The following PCDHGB3 variants were observed in gnomAD, a reference collection of about 807,000 sequenced individuals.
PCDHGB3 encodes the protein protocadherin gamma-B3.
A neutral mutation model predicts 59.2 loss-of-function variants in PCDHGB3; 40 were observed. The observed-to-expected ratio is 0.68, with a 90% CI of 0.52 to 0.88. The LOEUF is 0.88. Ranked by LOEUF, PCDHGB3 falls within the 40% of genes least tolerant of loss-of-function variation. The pLI is 0.00. For missense variants in PCDHGB3, 1,309 were observed against 1,187.9 expected (o/e 1.10, Z -1.50); for synonymous variants, 581 against 503.6 (o/e 1.15, Z -2.06).
At chr5:141,479,671 G>A (rs1484965995) in intron 1 of PCDHGB3, 1 of 152,196 alleles carries the variant, frequency 6.6e-6, no homozygotes, top group Non-Finnish European at 1.5e-5. Flanking sequence ...AACTACAAAA[G>A]GAGAGTCTTT....
At chr5:141,405,316 T>C (rs752153213) in intron 1 of PCDHGB3, 5 of 1,614,232 alleles carry the variant, frequency 3.1e-6, no homozygotes, top group Non-Finnish European at 4.2e-6. Context: ...GTGAGAAAAA[T>C]GAGCCTTTGT....
chr5:141,419,175 C>T (rs185228661), intron 1 of PCDHGB3: 2 of 1,613,966 alleles, frequency 1.2e-6, no homozygotes, highest in Non-Finnish European at 1.7e-6. Flanking sequence ...AAAACCATAA[C>T]CCTGCACATT....
chr5:141,384,237 C>T, intron 1 of PCDHGB3: 2 of 1,613,888 alleles, frequency 1.2e-6, no homozygotes, highest in East Asian at 2.2e-5. Flanking sequence ...CAGACACCAA[C>T]GATAACCCAC....
chr5:141,382,360 A>C (rs1310834058), intron 1 of PCDHGB3, among the ~76,000 whole-genome samples: 1 of 152,210 alleles, frequency 6.6e-6, no homozygotes, highest in Non-Finnish European at 1.5e-5. Flanking sequence ...ATTTAAATAA[A>C]ATTTACCTTT....
rs1273620361 is a variant in PCDHGB3, at chr5:141,486,809, A to G, written c.2416-7998A>G. 1 of 1,614,106 alleles carries G rather than the reference A, an allele frequency of 6.2e-7. No homozygotes were observed. The highest frequency in any genetic ancestry group is 1.3e-5 in the African/African-American group (1 of 74,936). On this transcript the variant is annotated intron_variant, in intron 1 of 3. Coordinates refer to ENST00000576222, the MANE Select transcript of PCDHGB3 (RefSeq NM_018924.5). This position sits in a 1 kb window ranked among gnomAD's most constrained non-coding sequence, Gnocchi z 5.0. ...CCGGGATCGGGGCAACCCACCCCTT[A>G]GCAGCACTGTAACAGTTCGTCTATT...
intron 1 of PCDHGB3, among the ~76,000 whole-genome samples, chr5:141,382,481 T>C (rs1778238182): frequency 6.6e-6 from 1 of 152,228 alleles, no homozygotes; most frequent in Non-Finnish European, 1.5e-5. Flanking sequence ...TCTAAGATTA[T>C]CAAACACCGG....
chr5:141,455,632 TG>T (rs1394377963), intron 1 of PCDHGB3, among the ~76,000 whole-genome samples: 1 of 151,924 alleles, frequency 6.6e-6, no homozygotes, highest in African/African-American at 2.4e-5. Flanking sequence ...TGGAGATATG[TG>T]GGGGGCAGCC....
At chr5:141,405,370 G>C in intron 1 of PCDHGB3, 1 of 1,606,236 alleles carries the variant, frequency 6.2e-7, no homozygotes, top group Non-Finnish European at 8.5e-7. Flanking sequence ...ACACCCCTTT[G>C]GTTCCGGTGA....
chr5:141,389,647 AG>A, intron 1 of PCDHGB3: 10 of 1,612,908 alleles, frequency 6.2e-6, no homozygotes, highest in Non-Finnish European at 8.5e-6. Flanking sequence ...TTGGTGACCA[AG>A]GTAGTGGCGG....
chr5:141,396,923 G>A (rs6886638), intron 1 of PCDHGB3, among the ~76,000 whole-genome samples: 45,883 of 152,076 alleles, frequency 0.3, 8,183 homozygotes, highest in African/African-American at 0.5. Context: ...TTAAAAACTC[G>A]GATGAAAGTT....
intron 1 of PCDHGB3, among the ~76,000 whole-genome samples, chr5:141,472,913 G>A (rs1049221725): frequency 2.0e-5 from 3 of 147,764 alleles, no homozygotes; most frequent in African/African-American, 2.5e-5. Context: ...TTGAACCCAA[G>A]AGGAGGAGGT....
intron 1 of PCDHGB3, chr5:141,375,721 G>T (rs1194190814): frequency 6.2e-7 from 1 of 1,614,266 alleles, no homozygotes; most frequent in South Asian, 1.1e-5. Context: ...GCAGCAACGT[G>T]TCACTGAGCC....
intron 1 of PCDHGB3, chr5:141,410,046 G>T: frequency 6.2e-7 from 1 of 1,613,174 alleles, no homozygotes; most frequent in Non-Finnish European, 8.5e-7. Context: ...AGTGAGCCCG[G>T]ACTCTTCAGC....
In PCDHGB3 at chr5:141,491,856, C is replaced by A. The variant is rs754113958; in HGVS notation, c.2416-2951C>A. On this transcript the variant is annotated intron_variant, in intron 1 of 3. Coordinates refer to ENST00000576222, the MANE Select transcript of PCDHGB3 (RefSeq NM_018924.5). This position sits in a 1 kb window ranked among gnomAD's most constrained non-coding sequence, Gnocchi z 6.9. ...TCTCGGGATCATTGGACCGTTTGCG[C>A]GAAACCAGAGTGGCCGATTAAGGGA... 6.9e-7 allele frequency: 1 copy of A among 1,458,728 alleles called. No individual in the cohort carries two copies. The highest frequency in any genetic ancestry group is 9.1e-7 in the Non-Finnish European group (1 of 1,103,072). The allele number at this position is 1,458,728 out of a possible 1,614,324, so 90.4% of individuals were successfully genotyped here. A position where few individuals can be genotyped will look rare whatever the true frequency, so the allele number is the denominator to read the frequency against.
intron 1 of PCDHGB3, chr5:141,427,019 CAA>C (rs1369360584): frequency 8.8e-6 from 4 of 456,798 alleles, no homozygotes; most frequent in Admixed American, 2.3e-5. Flanking sequence ...AGGATGTATA[CAA>C]AGTCAGCCTT....
Position 141,376,444 on chromosome 5 carries a change from A to G in PCDHGB3, c.2415+3635A>G, listed in dbSNP as rs755915739. On this transcript the variant is annotated intron_variant, in intron 1 of 3. Coordinates refer to ENST00000576222, the MANE Select transcript of PCDHGB3 (RefSeq NM_018924.5). Reference sequence around the variant, plus strand: ...TTATCAACCAGGAGAGCTATGAGAAAAGCGAGCCTCTTCTGATAACTCAGG... The same window carrying G: ...TTATCAACCAGGAGAGCTATGAGAAGAGCGAGCCTCTTCTGATAACTCAGG... 3.1e-6 allele frequency: 5 copies of G among 1,614,096 alleles called. No homozygotes were observed. The East Asian group carries it at 8.9e-5, about 29-fold the overall frequency.
rs772487189 is a variant in PCDHGB3 at position 141,415,555 on chromosome 5, C to G, written c.2415+42746C>G. 5 of 1,613,954 alleles carry G rather than the reference C, an allele frequency of 3.1e-6. No homozygotes were observed. In the African/African-American group the frequency reaches 6.7e-5, roughly 22 times the overall value. On this transcript the variant is annotated intron_variant, in intron 1 of 3. Transcript: ENST00000576222. ...CCAGGAGAGCTGTGAGAAAAACGAT[C>G]CTTTGTCTTTGTTAGATGATTCGAA...
intron 1 of PCDHGB3, chr5:141,375,887 G>T (rs1290311886): frequency 2.5e-6 from 4 of 1,613,656 alleles, no homozygotes; most frequent in South Asian, 1.1e-5. Context: ...GGGCCAGAAC[G>T]CCTGGCTGTC....
At chr5:141,384,163 C>G (rs535530763) in intron 1 of PCDHGB3, 2 of 1,613,658 alleles carry the variant, frequency 1.2e-6, no homozygotes, top group African/African-American at 1.3e-5. Context: ...TAACATCACA[C>G]TGAAAGCCAC....
Sources: allele counts gnomAD v4.1 joint callset (sites outside exome capture counted in the v4.1 genomes callset), GRCh38; gene constraint gnomAD v4.1.1; non-coding constraint Gnocchi (gnomAD v3.1); transcripts MANE v1.5; gene names NCBI Gene and HGNC (gene_info 2026-07-23, HGNC 2026-07-21).